NBDY: variants seen among roughly 807,000 people sequenced by gnomAD.
NBDY encodes the protein negative regulator of P-body association, also known as P-body dissociating protein.
rs187523277 is a variant in NBDY, at chrX:56,747,864, G to A, written c.*166+15665G>A. Among the ~76,000 whole-genome samples, 163 of 111,499 alleles carry A rather than the reference G, an allele frequency of 1.5e-3. 2 individuals are homozygous for A. In the Middle Eastern group the frequency reaches 0.033, roughly 22 times the overall value. On this transcript the variant is annotated intron_variant, in intron 2 of 2. Coordinates refer to ENST00000374922, the MANE Select transcript of NBDY (RefSeq NM_001348129.2). The stretch of plus-strand genomic sequence containing the variant: ...TTTATGAAGTATTATTGATTAGATG[G>A]TGTATCAATCAGGGTTCAACCAGAG...
At chrX:56,764,719 A>AG (rs1354985406) in intron 2 of NBDY, among the ~76,000 whole-genome samples, 102 of 108,812 alleles carry the variant, frequency 9.4e-4, no homozygotes, top group African/African-American at 3.2e-3. Context: ...AAAAAAAAAA[A>AG]AAAGAAACTG....
intron 2 of NBDY, among the ~76,000 whole-genome samples, chrX:56,743,373 GTTC>G (rs1399520865): frequency 9.0e-6 from 1 of 111,144 alleles, no homozygotes; most frequent in Non-Finnish European, 1.9e-5. Flanking sequence ...ATTGATATTA[GTTC>G]TTCTTTAAAT....
intron 2 of NBDY, among the ~76,000 whole-genome samples, chrX:56,763,698 T>A (rs1431738842): frequency 8.9e-6 from 1 of 112,674 alleles, no homozygotes; most frequent in Non-Finnish European, 1.9e-5. Flanking sequence ...GGGCAAAGGC[T>A]GGCTCCCTAA....
chrX:56,767,744 G>A (rs2069675097), intron 2 of NBDY, among the ~76,000 whole-genome samples: 1 of 107,750 alleles, frequency 9.3e-6, no homozygotes, highest in Admixed American at 9.8e-5. Context: ...AAGGGCGGAG[G>A]CCCTCGGATT....
intron 1 of NBDY, among the ~76,000 whole-genome samples, chrX:56,730,945 T>C (rs1335903265): frequency 3.6e-5 from 4 of 111,313 alleles, no homozygotes; most frequent in Non-Finnish European, 7.5e-5. Flanking sequence ...TAAACCTTTA[T>C]GAAGCCCTTG....
rs769345226 is a variant in NBDY, at chrX:56,783,628, G to A, written c.*167-33692G>A. 2.7e-5 allele frequency among the ~76,000 whole-genome samples: 3 copies of A among 112,124 alleles called. No homozygotes were observed. The East Asian group carries it at 8.5e-4, about 32-fold the overall frequency. On this transcript the variant is annotated intron_variant, in intron 2 of 2. Transcript: ENST00000374922. ...CTAAACCCCAGTCGGGGAAACCCTG[G>A]CTTAGGCAGAGTCCACCCAGTCCCG...
chrX:56,743,186 A>T (rs975902979), intron 2 of NBDY, among the ~76,000 whole-genome samples: 11 of 110,950 alleles, frequency 9.9e-5, no homozygotes, highest in African/African-American at 3.6e-4. Flanking sequence ...TAATCTTTTT[A>T]ATGTATTGTT....
At chrX:56,780,990 C>G (rs1465199966) in intron 2 of NBDY, among the ~76,000 whole-genome samples, 1 of 110,199 alleles carries the variant, frequency 9.1e-6, no homozygotes, top group African/African-American at 3.3e-5. Context: ...TCCTTGTCAA[C>G]AAATGTGTGT....
chrX:56,741,556 C>A (rs1225452335), intron 2 of NBDY, among the ~76,000 whole-genome samples: 1 of 111,728 alleles, frequency 9.0e-6, no homozygotes, highest in Non-Finnish European at 1.9e-5. Flanking sequence ...GAGATAATAT[C>A]CCATTGTAGT....
At chrX:56,791,870 C>T (rs1343155952) in intron 2 of NBDY, among the ~76,000 whole-genome samples, 1 of 109,921 alleles carries the variant, frequency 9.1e-6, no homozygotes, top group African/African-American at 3.3e-5. Flanking sequence ...TTTTCCTCCT[C>T]CTCCTCCTTC....
intron 2 of NBDY, among the ~76,000 whole-genome samples, chrX:56,784,107 A>G (rs773645000): frequency 1.8e-5 from 2 of 111,653 alleles, no homozygotes; most frequent in Non-Finnish European, 3.8e-5. Flanking sequence ...AGGTGTGTGG[A>G]TGTGTGGCCC....
At chrX:56,802,397 C>G (rs1299963217) in intron 2 of NBDY, among the ~76,000 whole-genome samples, 1 of 111,816 alleles carries the variant, frequency 8.9e-6, no homozygotes, top group Non-Finnish European at 1.9e-5. Flanking sequence ...GTGGCCTTCC[C>G]CAGTTCCCCT....
intron 2 of NBDY, among the ~76,000 whole-genome samples, chrX:56,796,785 C>T (rs1044167342): frequency 2.7e-5 from 3 of 111,029 alleles, no homozygotes; most frequent in South Asian, 4.0e-4. Flanking sequence ...TCTTCTGTAG[C>T]TCCTGCAGGA....
At chrX:56,740,154 A>T (rs988830829) in intron 2 of NBDY, among the ~76,000 whole-genome samples, 2 of 111,420 alleles carry the variant, frequency 1.8e-5, no homozygotes, top group African/African-American at 3.3e-5. Context: ...CACACTTTTT[A>T]CTTACTTTAA....
intron 2 of NBDY, among the ~76,000 whole-genome samples, chrX:56,793,141 C>G (rs1353295911): frequency 8.9e-6 from 1 of 112,089 alleles, no homozygotes; most frequent in Non-Finnish European, 1.9e-5. Flanking sequence ...TGTGCCATCC[C>G]AAGGTGGTAA....
intron 2 of NBDY, among the ~76,000 whole-genome samples, chrX:56,783,150 C>T (rs1299199157): frequency 2.7e-5 from 3 of 112,844 alleles, no homozygotes; most frequent in Non-Finnish European, 5.6e-5. Flanking sequence ...CAAACTGAGG[C>T]GGGACAAGAG....
intron 2 of NBDY, chrX:56,737,299 C>T (rs2069500644): frequency 4.1e-6 from 4 of 966,169 alleles, no homozygotes; most frequent in South Asian, 1.9e-5. Flanking sequence ...CTTGCACATA[C>T]AGTTCAAGGT....
intron 1 of NBDY, among the ~76,000 whole-genome samples, chrX:56,730,091 G>T (rs1300373921): frequency 9.1e-6 from 1 of 109,712 alleles, no homozygotes; most frequent in East Asian, 2.9e-4. Context: ...CAGGAGAGTT[G>T]AATTTTTTTT....
At chrX:56,739,873 C>T (rs912873795) in intron 2 of NBDY, among the ~76,000 whole-genome samples, 6 of 111,597 alleles carry the variant, frequency 5.4e-5, no homozygotes, top group African/African-American at 2.0e-4. Context: ...TAATTCTTGA[C>T]TGAATCAGAT....
Sources: gnomAD v4.1 joint callset for allele counts (sites outside exome capture counted in the v4.1 genomes callset) on GRCh38, gnomAD v4.1.1 for gene constraint, MANE v1.5 for transcripts, NCBI Gene and HGNC (gene_info 2026-07-23, HGNC 2026-07-21) for gene names.